The following FMN1 variants were observed in gnomAD, a reference collection of about 807,000 sequenced individuals.
FMN1 encodes the protein formin 1, also known as formin-1.
FMN1 carries 110 observed loss-of-function variants against 132.4 expected under a neutral mutation model. The ratio of observed to expected loss-of-function variants is 0.83; its 90% CI spans 0.71 to 0.97. The LOEUF (loss-of-function observed/expected upper bound fraction) is 0.97. FMN1 is among the 50% of genes least tolerant of loss of function. FMN1 has a pLI of 0.00. For synonymous variants in FMN1, 722 were observed against 651.7 expected, an observed-to-expected ratio of 1.11 and a Z score of -1.64; for missense variants, 1,792 against 1,705.3, an observed-to-expected ratio of 1.05 and a Z score of -0.90.
At chr15:32,975,658 TA>T (rs1290237502) in intron 7 of FMN1, among the ~76,000 whole-genome samples, 6 of 152,184 alleles carry the variant, frequency 3.9e-5, no homozygotes, top group African/African-American at 1.4e-4. Flanking sequence ...AAGGTATTTC[TA>T]AAAGTTGATG....
intron 5 of FMN1, among the ~76,000 whole-genome samples, chr15:33,085,250 C>T (rs2038642465): frequency 6.6e-6 from 1 of 152,024 alleles, no homozygotes; most frequent in Non-Finnish European, 1.5e-5. Flanking sequence ...TTATAGGATA[C>T]ACATTTGTTC....
At chr15:32,981,131 C>T (rs1021845564) in intron 7 of FMN1, among the ~76,000 whole-genome samples, 1 of 152,018 alleles carries the variant, frequency 6.6e-6, no homozygotes, top group African/African-American at 2.4e-5. Context: ...AAAAATGTTT[C>T]CATTTGTAAC....
Position 33,062,002 on chromosome 15 carries a change from A to T in FMN1, c.2161+2955T>A, listed in dbSNP as rs2037506850. On this transcript the variant is annotated intron_variant, in intron 6 of 20. Transcript: ENST00000616417. The stretch of plus-strand genomic sequence containing the variant: ...AAGAATTATCAGAAATTATATAATG[A>T]AAGGACAGATTTGATTATGTAAATA... Among the ~76,000 whole-genome samples the T allele has an allele frequency of 2.0e-5, 3 of 152,176 alleles. 1 individual carries two copies. Among genetic ancestry groups the T allele is most frequent in the Admixed American group, 2.0e-4 (3 of 15,286 alleles).
At chr15:33,065,778 A>G (rs1595389470) in intron 5 of FMN1, among the ~76,000 whole-genome samples, 1 of 152,170 alleles carries the variant, frequency 6.6e-6, no homozygotes, top group East Asian at 1.9e-4. Flanking sequence ...TGTTCTTCTG[A>G]TCGTTTAAGA....
At chr15:32,845,201 A>G (rs147903671) in intron 17 of FMN1, among the ~76,000 whole-genome samples, 1 of 152,352 alleles carries the variant, frequency 6.6e-6, no homozygotes, top group East Asian at 1.9e-4. Context: ...AAGAATCCAA[A>G]GAGAAAGTGG....
Position 33,125,059 on chromosome 15 carries a change from A to G in FMN1, c.1867+27989T>C, listed in dbSNP as rs1375534231. ...ATCATGGAATGCTTAAACAATTTAA[A>G]GCGACTGAGTTTTTCCACCAGCCCC... On this transcript the variant is annotated intron_variant, in intron 4 of 20. Transcript: ENST00000616417. 3.9e-5 allele frequency among the ~76,000 whole-genome samples: 6 copies of G among 152,312 alleles called. No individual in the cohort carries two copies. The South Asian group carries it at 1.2e-3, about 32-fold the overall frequency.
At chr15:33,030,013 C>T (rs538366524) in intron 6 of FMN1, among the ~76,000 whole-genome samples, 38 of 152,258 alleles carry the variant, frequency 2.5e-4, no homozygotes, top group African/African-American at 9.1e-4. Context: ...AAAAAAATAG[C>T]TGGGCGTGGT....
chr15:32,900,651 T>A (rs549293570), intron 13 of FMN1, among the ~76,000 whole-genome samples: 8 of 152,250 alleles, frequency 5.3e-5, no homozygotes, highest in Non-Finnish European at 1.0e-4. Context: ...CTGTAGGCCA[T>A]CTTTAATAAA....
At chr15:32,978,899 T>C (rs1348183164) in intron 7 of FMN1, among the ~76,000 whole-genome samples, 1 of 152,012 alleles carries the variant, frequency 6.6e-6, no homozygotes, top group Admixed American at 6.5e-5. Flanking sequence ...CGGTAGGAAA[T>C]GAAAAAATGA....
intron 9 of FMN1, among the ~76,000 whole-genome samples, chr15:32,936,906 A>G (rs2061288441): frequency 6.6e-6 from 1 of 152,186 alleles, no homozygotes; most frequent in East Asian, 1.9e-4. Flanking sequence ...GCCTCTGTCT[A>G]CTGTACTGCA....
chr15:33,087,994 G>A (rs1009825690), intron 5 of FMN1, among the ~76,000 whole-genome samples: 2 of 152,132 alleles, frequency 1.3e-5, no homozygotes, highest in African/African-American at 4.8e-5. Context: ...TCACTCATAA[G>A]TGGGAGCTAA....
At chr15:32,930,929 C>T (rs1223759533) in intron 9 of FMN1, among the ~76,000 whole-genome samples, 1 of 152,164 alleles carries the variant, frequency 6.6e-6, no homozygotes, top group Non-Finnish European at 1.5e-5. Context: ...GTTCTCCTAG[C>T]ACTATCTGTT....
At chr15:32,911,141 T>C (rs2060551536) in intron 10 of FMN1, among the ~76,000 whole-genome samples, 1 of 152,244 alleles carries the variant, frequency 6.6e-6, no homozygotes, top group East Asian at 1.9e-4. Context: ...ATTAGGATTC[T>C]ACTTGTTCTG....
At chr15:33,144,311 T>C (rs1279594563) in intron 4 of FMN1, among the ~76,000 whole-genome samples, 4 of 152,156 alleles carry the variant, frequency 2.6e-5, no homozygotes, top group African/African-American at 9.7e-5. Flanking sequence ...ATCTCTGCCC[T>C]CAAGTTTTTT....
At chr15:33,045,241 C>A (rs1007009476) in intron 6 of FMN1, among the ~76,000 whole-genome samples, 1 of 152,232 alleles carries the variant, frequency 6.6e-6, no homozygotes, top group Non-Finnish European at 1.5e-5. Flanking sequence ...AGCCAGCATG[C>A]CTGGCTGTGG....
chr15:32,962,188 AG>A (rs1201319121), intron 9 of FMN1, among the ~76,000 whole-genome samples: 1 of 152,128 alleles, frequency 6.6e-6, no homozygotes, highest in African/African-American at 2.4e-5. Flanking sequence ...GCTGTCCAAC[AG>A]AGCTTTTTAT....
At chr15:32,943,367 G>C (rs755997027) in intron 9 of FMN1, among the ~76,000 whole-genome samples, 1 of 152,132 alleles carries the variant, frequency 6.6e-6, no homozygotes, top group Non-Finnish European at 1.5e-5. Context: ...TCAAACTAGT[G>C]TTATCTCTTG....
rs1048657132 is a variant in FMN1, at chr15:32,962,683, G to A, written c.3138+1424C>T. On this transcript the variant is annotated intron_variant, in intron 9 of 20. Transcript: ENST00000616417. ...CAACCCCATCAAAAAGTGGGCGAAG[G>A]ACATGAACAGACACTTCTCAAAAGA... Among the ~76,000 whole-genome samples, 51 of 148,054 alleles carry A rather than the reference G, an allele frequency of 3.4e-4. 1 individual carries two copies. In the South Asian group the frequency reaches 4.9e-3, roughly 14 times the overall value.
chr15:33,007,144 T>C (rs1372044552), intron 7 of FMN1, among the ~76,000 whole-genome samples: 1 of 152,212 alleles, frequency 6.6e-6, no homozygotes, highest in Non-Finnish European at 1.5e-5. Flanking sequence ...TACTCCACAA[T>C]ATATACATAT....
Sources: gnomAD v4.1 joint callset for allele counts (sites outside exome capture counted in the v4.1 genomes callset) on GRCh38, gnomAD v4.1.1 for gene constraint, MANE v1.5 for transcripts, NCBI Gene and HGNC (gene_info 2026-07-23, HGNC 2026-07-21) for gene names.